The following CENPF variants were observed in gnomAD, a reference collection of about 807,000 sequenced individuals.
The protein encoded by CENPF is AH antigen.
In CENPF, 214 loss-of-function variants were observed where a neutral mutation model predicts 307.3. That is an observed-to-expected ratio of 0.70 (90% confidence interval 0.62 to 0.78). The LOEUF is 0.78. Ranked by LOEUF, CENPF falls within the 30% of genes least tolerant of loss-of-function variation. The probability of loss-of-function intolerance (pLI) is 0.00; values close to 1 mark genes in which losing one functional copy is unlikely to be tolerated. For synonymous variants in CENPF, 1,259 were observed against 1,270.6 expected (o/e 0.99, Z 0.19); for missense variants, 3,401 against 3,483.9 (o/e 0.98, Z 0.60).
chr1:214,653,259 C>T (rs538779156), intron 16 of CENPF, among the ~76,000 whole-genome samples: 87 of 152,206 alleles, frequency 5.7e-4, no homozygotes, highest in African/African-American at 2.0e-3. Context: ...TTTGAAGATC[C>T]AGCCACACAG....
rs1657839624 is a variant in CENPF at position 214,632,612 on chromosome 1, G to A, written c.1446+10G>A. The A allele has an allele frequency of 1.2e-6, 2 of 1,611,514 alleles. No individual in the cohort carries two copies. The highest frequency in any genetic ancestry group is 1.7e-6 in the Non-Finnish European group (2 of 1,179,202). The stretch of plus-strand genomic sequence containing the variant: ...GAGGAGAAGCATGGAGGTAAGGGAG[G>A]AGGATGCCGAATTTTCTCCACTTAT... On this transcript the variant is annotated intron_variant, in intron 10 of 19. Coordinates refer to ENST00000366955, the MANE Select transcript of CENPF (RefSeq NM_016343.4).
At chr1:214,619,051 C>A in intron 4 of CENPF, 78 bp from the exon 5 acceptor site, 1 of 754,388 alleles carries the variant, frequency 1.3e-6, no homozygotes, top group Non-Finnish European at 2.2e-6. Context: ...TCTAGACTAT[C>A]AAAATCGTTG....
In CENPF at chr1:214,609,572, A is replaced by G. The variant is rs530313189; in HGVS notation, c.-41-4142A>G. Among the ~76,000 whole-genome samples, 14 of 152,296 alleles carry G rather than the reference A, an allele frequency of 9.2e-5. No individual in the cohort carries two copies. In the South Asian group the frequency reaches 2.3e-3, roughly 25 times the overall value. On this transcript the variant is annotated intron_variant, in intron 1 of 19. Transcript: ENST00000366955. ...CTATTTCACCTGAAAACCTTATGGC[A>G]AAATATTATTTTTTTCTTAGCTTTT...
In CENPF at chr1:214,645,917, A is replaced by C; in HGVS notation, c.6347A>C (p.Gln2116Pro). The part of the protein sequence containing the change: ...RLSSTQEEVH[Q>P]LRRGIEKLRV... Reference sequence around the variant, plus strand: ...AGCTCAACACAGGAGGAAGTGCATCAGCTGAGAAGAGGCATCGAGAAACTG... The same window carrying C: ...AGCTCAACACAGGAGGAAGTGCATCCGCTGAGAAGAGGCATCGAGAAACTG... Residue 2116 changes from glutamine (Q) to proline (P), a missense_variant, in exon 13 of 20, where the codon CAG becomes CCG. Physicochemically the swap from Gln to Pro is moderately conservative, Grantham distance 76 (BLOSUM62 -1). Coordinates refer to ENST00000366955, the MANE Select transcript of CENPF (RefSeq NM_016343.4). The C allele has an allele frequency of 6.2e-7, 1 of 1,614,188 alleles. No individual in the cohort carries two copies. The highest frequency in any genetic ancestry group is 8.5e-7 in the Non-Finnish European group (1 of 1,180,032).
intron 2 of CENPF, 59 bp from the exon 3 acceptor site, chr1:214,614,773 T>C: frequency 8.4e-7 from 1 of 1,187,592 alleles, no homozygotes; most frequent in Non-Finnish European, 1.2e-6. Context: ...GGTTTACCAA[T>C]AATACTTGGT....
At chr1:214,649,488 A>G (rs1658404324) in intron 14 of CENPF, among the ~76,000 whole-genome samples, 1 of 152,236 alleles carries the variant, frequency 6.6e-6, no homozygotes, top group Non-Finnish European at 1.5e-5. Context: ...TTCATCCCTG[A>G]GTAGTATTTA....
In CENPF at chr1:214,620,774, T is replaced by C; in HGVS notation, c.693T>C (p.Asn231=). 1 of 1,614,174 alleles carries C rather than the reference T, an allele frequency of 6.2e-7. No homozygotes were observed. The change falls in exon 6 of 20, where the codon AAT becomes AAC. Residue 231 remains asparagine (N), a synonymous_variant. Coordinates refer to ENST00000366955, the MANE Select transcript of CENPF (RefSeq NM_016343.4). ...QEKTPSHLSS[N]SQRTPIRRDF... ...AGACCCCAAGTCATCTTTCATCTAA[T>C]TCTCAAAGAACTCCAATTAGGAGAG... is the stretch of plus-strand genomic sequence containing the variant.
Position 214,620,839 on chromosome 1 carries a change from C to T in CENPF, c.758C>T (p.Thr253Ile). ...ASYFSGEQEVTPSRSTLQIGK... is the reference protein window; with the variant it reads ...ASYFSGEQEVIPSRSTLQIGK... ...TACTTTTCTGGGGAACAAGAGGTGA[C>T]TCCAAGTCGATCAACTTTGCAAATA... is the stretch of plus-strand genomic sequence containing the variant. Residue 253 changes from threonine (T) to isoleucine (I), a missense_variant, in exon 6 of 20, where the codon ACT becomes ATT. By Grantham distance (89) the Thr-to-Ile change is moderately conservative (BLOSUM62 -1). Coordinates refer to ENST00000366955, the MANE Select transcript of CENPF (RefSeq NM_016343.4). 6.2e-7 allele frequency: 1 copy of T among 1,614,166 alleles called. No homozygotes were observed. Among genetic ancestry groups the T allele is most frequent in the Non-Finnish European group, 8.5e-7 (1 of 1,180,022 alleles).
At chr1:214,653,444 C>G (rs989806936) in intron 16 of CENPF, 1 of 154,144 alleles carries the variant, frequency 6.5e-6, no homozygotes, top group Admixed American at 6.7e-5. Context: ...TCTCCTCTTC[C>G]TCTTCACGCA....
rs571413789 is a variant in CENPF at position 214,641,258 on chromosome 1, C to A, written c.2920C>A (p.Gln974Lys). Residue 974 changes from glutamine (Q) to lysine (K), a missense_variant, in exon 12 of 20, where the codon CAA (glutamine) becomes AAA (lysine). Coordinates refer to ENST00000366955, the MANE Select transcript of CENPF (RefSeq NM_016343.4). ...LNKREIEELT[Q>K]ENGTLKEINA... is the part of the protein sequence containing the mutation. ...TAAAAGGGAAATTGAAGAGCTGACC[C>A]AAGAGAATGGGACTCTTAAGGAAAT... 5.0e-5 allele frequency: 80 copies of A among 1,602,544 alleles called. 1 individual carries two copies. The South Asian group carries it at 8.3e-4, about 17-fold the overall frequency.
In CENPF at chr1:214,663,757, T is replaced by G. The variant is rs1373447236; in HGVS notation, c.9308T>G (p.Leu3103Arg). ...CTTGTCCCCAGCCCCAAAGCTGGAC[T>G]GGAGTCCAACGGCAGTGAGAACTGT... ...GRLVPSPKAG[L>R]ESNGSENCKV... Residue 3103 changes from leucine to arginine, a missense_variant, in exon 20 of 20, where the codon CTG (leucine) becomes CGG (arginine). By Grantham distance (102) the Leu-to-Arg change is moderately radical (BLOSUM62 -2). Coordinates refer to ENST00000366955, the MANE Select transcript of CENPF (RefSeq NM_016343.4). The G allele has an allele frequency of 6.2e-7, 1 of 1,614,112 alleles. No homozygotes were observed.
chr1:214,640,966 T>C lies in CENPF; in HGVS notation c.2628T>C (p.Ser876=), dbSNP rs745882701. 1.9e-6 allele frequency: 3 copies of C among 1,601,664 alleles called. No homozygotes were observed. The highest frequency in any genetic ancestry group is 2.5e-6 in the Non-Finnish European group (3 of 1,177,038). The change falls in exon 12 of 20, where the codon AGT becomes AGC. Residue 876 remains serine (S), a synonymous_variant. Coordinates refer to ENST00000366955, the MANE Select transcript of CENPF (RefSeq NM_016343.4). ...TGAAAGCAGAACAGATGCATCAAAG[T>C]TTTGTGGCTGAAACAAGTCAGCGCA... is the stretch of plus-strand genomic sequence containing the variant. The part of the protein sequence containing the change: ...NLMKAEQMHQ[S]FVAETSQRIS...
chr1:214,616,701 G>A (rs745409787), intron 3 of CENPF, among the ~76,000 whole-genome samples: 6 of 151,818 alleles, frequency 4.0e-5, no homozygotes, highest in Non-Finnish European at 8.8e-5. Context: ...CAGATGTGGT[G>A]GTTTGATTTG....
intron 13 of CENPF, chr1:214,648,447 C>T (rs371754110): frequency 2.9e-6 from 2 of 689,634 alleles, no homozygotes; most frequent in Non-Finnish European, 5.3e-6. Flanking sequence ...CTTGTCATTC[C>T]TTCCCTTATT....
chr1:214,608,589 G>T, intron 1 of CENPF: 1 of 1,609,450 alleles, frequency 6.2e-7, no homozygotes, highest in East Asian at 2.2e-5. Context: ...CCTCAATGGT[G>T]TCCAGCTCGC....
At chr1:214,615,161 C>A in intron 3 of CENPF, 133 bp downstream of exon 3, 1 of 549,144 alleles carries the variant, frequency 1.8e-6, no homozygotes, top group Non-Finnish European at 3.2e-6. Context: ...ATGATTCGGT[C>A]TCTGTACCGT....
At chr1:214,611,096 T>C (rs1324724051) in intron 1 of CENPF, among the ~76,000 whole-genome samples, 1 of 152,174 alleles carries the variant, frequency 6.6e-6, no homozygotes, top group Non-Finnish European at 1.5e-5. Flanking sequence ...TGTAGTATAG[T>C]TTGAAGTAGG....
chr1:214,657,421 T>G lies in CENPF; in HGVS notation c.8962+12T>G. The G allele has an allele frequency of 6.4e-7, 1 of 1,551,978 alleles. No homozygotes were observed. The highest frequency in any genetic ancestry group is 1.1e-5 in the South Asian group (1 of 88,200). ...AGTTGTAAAGAAAGGTATGCCTAAT[T>G]TAAAGACAAAATTATTTGTGTTCTT... On this transcript the variant is annotated intron_variant, in intron 18 of 19. Coordinates refer to ENST00000366955, the MANE Select transcript of CENPF (RefSeq NM_016343.4).
chr1:214,608,363 T>C lies in CENPF; in HGVS notation c.-42+5042T>C, dbSNP rs559172003. The C allele has an allele frequency of 1.2e-5, 20 of 1,612,412 alleles. No individual in the cohort carries two copies. In the East Asian group the frequency reaches 3.8e-4, roughly 31 times the overall value. On this transcript the variant is annotated intron_variant, in intron 1 of 19. Coordinates refer to ENST00000366955, the MANE Select transcript of CENPF (RefSeq NM_016343.4). ...GCGTCGATGTCGGCATAGAGGTTCC[T>C]CTCGGAAGGCCTACCCGAGCTGGCA...
Sources: gnomAD v4.1 joint callset for allele counts (sites outside exome capture counted in the v4.1 genomes callset) on GRCh38, gnomAD v4.1.1 for gene constraint, MANE v1.5 for transcripts, NCBI Gene and HGNC (gene_info 2026-07-23, HGNC 2026-07-21) for gene names.